Variants in RAB27B observed in about 807,000 individuals in gnomAD.
RAB27B encodes the protein ras-related protein Rab-27B.
Under a neutral mutation model 24.6 loss-of-function variants are expected in RAB27B, and 15 were observed. The ratio of observed to expected loss-of-function variants is 0.61; its 90% CI spans 0.41 to 0.94. The LOEUF is 0.94. Ranked by LOEUF, RAB27B falls within the 40% of genes least tolerant of loss-of-function variation. The probability of loss-of-function intolerance (pLI) is 0.00; values close to 1 mark genes in which losing one functional copy is unlikely to be tolerated. For missense variants in RAB27B, 261 were observed against 266.8 expected, an observed-to-expected ratio of 0.98 and a Z score of 0.15; for synonymous variants, 105 against 92.5, an observed-to-expected ratio of 1.14 and a Z score of -0.78.
At chr18:54,820,745 T>C (rs1910283185) in intron 2 of RAB27B, among the ~76,000 whole-genome samples, 1 of 152,222 alleles carries the variant, frequency 6.6e-6, no homozygotes, top group Non-Finnish European at 1.5e-5. Context: ...TTTTTATGGT[T>C]TCAATTCTAA....
Position 54,746,493 on chromosome 18 carries a change from T to C in RAB27B, c.-20+28352T>C, listed in dbSNP as rs564111457. 2.6e-5 allele frequency among the ~76,000 whole-genome samples: 4 copies of C among 152,336 alleles called. No individual in the cohort carries two copies. The South Asian group carries it at 8.3e-4, about 32-fold the overall frequency. On this transcript the variant is annotated intron_variant, in intron 2 of 4. Transcript: ENST00000586570. ...TGCAAGCATTTTTGAAAAACAAATT[T>C]GGCCTTATTTTATACAGATCAGAGA...
At chr18:54,752,819 T>C (rs1180049581) in intron 2 of RAB27B, among the ~76,000 whole-genome samples, 3 of 152,274 alleles carry the variant, frequency 2.0e-5, no homozygotes, top group East Asian at 3.9e-4. Flanking sequence ...TGCATATTTA[T>C]AGTTGCCTGC....
chr18:54,818,959 A>G lies in RAB27B; in HGVS notation c.-19-58608A>G, dbSNP rs137938432. The stretch of plus-strand genomic sequence containing the variant: ...AATGGTTCTAGCATATTCATATTTT[A>G]TATGAAGTATGTAGGGATTTTCTTC... On this transcript the variant is annotated intron_variant, in intron 2 of 4. Coordinates refer to the RAB27B transcript ENST00000586570. Among the ~76,000 whole-genome samples the G allele has an allele frequency of 5.3e-5, 8 of 152,052 alleles. No individual in the cohort carries two copies. The East Asian group carries it at 1.5e-3, about 29-fold the overall frequency.
intron 2 of RAB27B, among the ~76,000 whole-genome samples, chr18:54,797,650 C>T (rs1212463044): frequency 6.6e-6 from 1 of 152,148 alleles, no homozygotes; most frequent in Non-Finnish European, 1.5e-5. Context: ...TTTCCAGTGA[C>T]CTAAATCTGG....
intron 1 of RAB27B, among the ~76,000 whole-genome samples, chr18:54,863,538 A>C (rs1252591188): frequency 2.0e-5 from 3 of 152,218 alleles, no homozygotes; most frequent in African/African-American, 7.2e-5. Context: ...GTATCATAAA[A>C]TCTACCCTTT....
intron 2 of RAB27B, among the ~76,000 whole-genome samples, chr18:54,757,151 A>G (rs180960423): frequency 5.9e-5 from 9 of 152,282 alleles, no homozygotes; most frequent in Admixed American, 5.2e-4. Context: ...ACAGACCCAG[A>G]TATTAGCATG....
intron 2 of RAB27B, among the ~76,000 whole-genome samples, chr18:54,773,260 A>G (rs1908610241): frequency 6.6e-6 from 1 of 152,210 alleles, no homozygotes; most frequent in Non-Finnish European, 1.5e-5. Flanking sequence ...CATTCAATAC[A>G]GGGATGCCCA....
intron 2 of RAB27B, among the ~76,000 whole-genome samples, chr18:54,776,975 G>T (rs749926334): frequency 1.3e-5 from 2 of 152,146 alleles, no homozygotes; most frequent in Non-Finnish European, 2.9e-5. Flanking sequence ...AGCCTGGGAG[G>T]CAGAGGTTGC....
At chr18:54,743,760 C>T (rs1052036847) in intron 2 of RAB27B, among the ~76,000 whole-genome samples, 23 of 152,252 alleles carry the variant, frequency 1.5e-4, no homozygotes, top group African/African-American at 5.5e-4. Flanking sequence ...CGAATCAGCT[C>T]ATAGATCCTT....
intron 2 of RAB27B, among the ~76,000 whole-genome samples, chr18:54,774,209 C>A (rs1908646100): frequency 6.6e-6 from 1 of 152,116 alleles, no homozygotes; most frequent in Non-Finnish European, 1.5e-5. Flanking sequence ...TATTACTATT[C>A]AGAAACAATT....
At chr18:54,848,270 G>A (rs1406956333) in intron 1 of RAB27B, among the ~76,000 whole-genome samples, 1 of 152,152 alleles carries the variant, frequency 6.6e-6, no homozygotes, top group Non-Finnish European at 1.5e-5. Flanking sequence ...TACACATTCT[G>A]GAAGAGTGAA....
At chr18:54,829,600 A>G (rs1910596863) in intron 1 of RAB27B, among the ~76,000 whole-genome samples, 1 of 152,228 alleles carries the variant, frequency 6.6e-6, no homozygotes, top group African/African-American at 2.4e-5. Context: ...TGTTTATAAG[A>G]AAAATGTCTA....
At chr18:54,866,646 C>T (rs1912239333) in intron 1 of RAB27B, among the ~76,000 whole-genome samples, 1 of 152,226 alleles carries the variant, frequency 6.6e-6, no homozygotes, top group Non-Finnish European at 1.5e-5. Context: ...GTTGTCCTAC[C>T]TGTGACGGGG....
In RAB27B at chr18:54,889,222, A is replaced by G; in HGVS notation, c.468-2A>G. On this transcript the variant is annotated splice_acceptor_variant, in intron 5 of 5. Coordinates refer to ENST00000262094, the MANE Select transcript of RAB27B (RefSeq NM_004163.4). LOFTEE classifies it high-confidence loss of function. ...AAATATTTGCCATCCTTTCTATGCT[A>G]GCATACCATATTTTGAAACAAGTGC... 6.2e-7 allele frequency: 1 copy of G among 1,606,208 alleles called. No homozygotes were observed. The highest frequency in any genetic ancestry group is 8.5e-7 in the Non-Finnish European group (1 of 1,176,736).
intron 2 of RAB27B, among the ~76,000 whole-genome samples, chr18:54,797,623 C>CATCT (rs1183448712): frequency 6.6e-6 from 1 of 152,160 alleles, no homozygotes; most frequent in East Asian, 1.9e-4. Context: ...ACTAAATAAA[C>CATCT]ATCTATCTGT....
intron 2 of RAB27B, among the ~76,000 whole-genome samples, chr18:54,816,623 A>G (rs59381791): frequency 0.22 from 33,045 of 152,082 alleles, 3,977 homozygotes; most frequent in African/African-American, 0.31. Context: ...ACTTCCAGTT[A>G]GTTGGAGAAA....
In RAB27B at chr18:54,879,373, A is replaced by G. The variant is rs1038468355; in HGVS notation, c.158A>G (p.Tyr53Cys). 3 of 1,610,616 alleles carry G rather than the reference A, an allele frequency of 1.9e-6. No homozygotes were observed. The highest frequency in any genetic ancestry group is 2.2e-5 in the East Asian group (1 of 44,848). Residue 53 changes from tyrosine (Y) to cysteine (C), a missense_variant, in exon 3 of 6, where the codon TAT becomes TGT. Coordinates refer to ENST00000262094, the MANE Select transcript of RAB27B (RefSeq NM_004163.4). ...AATGAACGTTGTATCTTTCAGGTTTATAATGCACAAGGACCGAATGGATCT... is the reference window on the plus strand; with the variant it reads ...AATGAACGTTGTATCTTTCAGGTTTGTAATGCACAAGGACCGAATGGATCT... Reference protein sequence around the residue: ...GIDFREKRVVYNAQGPNGSSG... With the variant: ...GIDFREKRVVCNAQGPNGSSG...
chr18:54,862,077 A>T (rs1912032203), intron 1 of RAB27B, among the ~76,000 whole-genome samples: 1 of 151,866 alleles, frequency 6.6e-6, no homozygotes, highest in Admixed American at 6.6e-5. Flanking sequence ...AAAAAGCATG[A>T]CTGCCTTAGA....
chr18:54,784,991 G>T (rs1268092634), intron 2 of RAB27B, among the ~76,000 whole-genome samples: 1 of 152,036 alleles, frequency 6.6e-6, no homozygotes, highest in Admixed American at 6.6e-5. Flanking sequence ...CACTAAATAT[G>T]CCCTTTGCCC....
Sources: gnomAD v4.1 joint callset for allele counts (sites outside exome capture counted in the v4.1 genomes callset) on GRCh38, gnomAD v4.1.1 for gene constraint, MANE v1.5 for transcripts, NCBI Gene and HGNC (gene_info 2026-07-23, HGNC 2026-07-21) for gene names.